Variants in TNRC6A observed in about 807,000 individuals in gnomAD.
The protein encoded by TNRC6A is trinucleotide repeat-containing gene 6A protein.
TNRC6A carries 44 observed loss-of-function variants against 221.2 expected under a neutral mutation model. That is an observed-to-expected ratio of 0.20 (90% CI 0.16 to 0.26). The LOEUF (loss-of-function observed/expected upper bound fraction) is 0.26. Among genes scored for constraint, TNRC6A ranks in the 10% least tolerant of loss-of-function variants. The pLI is 1.00. For missense variants in TNRC6A, 2,199 were observed against 2,404.4 expected (o/e 0.91, Z 1.79); for synonymous variants, 847 against 838.5 (o/e 1.01, Z -0.18).
Position 24,816,867 on chromosome 16 carries a change from C to A in TNRC6A, c.4883C>A (p.Thr1628Asn). ...GGTTATCCAAACATTGACCCTGAAA[C>A]TGACCCTTACGTCACTCCTGGCAGT... Reference protein sequence around the residue: ...WKGYPNIDPETDPYVTPGSVI... With the variant: ...WKGYPNIDPENDPYVTPGSVI... Residue 1628 changes from threonine to asparagine, a missense_variant, in exon 20 of 25, where the codon ACT becomes AAT. Around this residue, in one of 8 missense-constraint regions of TNRC6A, gnomAD observed 449 missense variants for 579.7 expected, o/e 0.77. Transcript: ENST00000395799. The A allele has an allele frequency of 6.2e-7, 1 of 1,614,124 alleles. No homozygotes were observed. The highest frequency in any genetic ancestry group is 8.5e-7 in the Non-Finnish European group (1 of 1,180,018).
At chr16:24,738,447 C>G (rs1408851822) in intron 2 of TNRC6A, among the ~76,000 whole-genome samples, 1 of 152,118 alleles carries the variant, frequency 6.6e-6, no homozygotes, top group African/African-American at 2.4e-5. Flanking sequence ...CAGCCACTCC[C>G]CATTTGTCCC....
intron 17 of TNRC6A, 115 bp from the exon 18 acceptor site, chr16:24,809,235 A>T: frequency 1.1e-6 from 1 of 915,128 alleles, no homozygotes; most frequent in Non-Finnish European, 1.5e-6. Flanking sequence ...TAGTATTAAC[A>T]GTTATGTGGT....
chr16:24,626,649 CTT>C (rs5816260), intron 1 of TNRC6A, among the ~76,000 whole-genome samples: 2,100 of 126,830 alleles, frequency 0.017, 35 homozygotes, highest in African/African-American at 0.057. Flanking sequence ...GATACTATTT[CTT>C]TTTTTTTTTT....
intron 11 of TNRC6A, among the ~76,000 whole-genome samples, chr16:24,798,734 G>C (rs773390173): frequency 6.6e-6 from 1 of 152,220 alleles, no homozygotes; most frequent in Non-Finnish European, 1.5e-5. Flanking sequence ...GGATGAGGGA[G>C]AGAGTGTGAT....
intron 2 of TNRC6A, among the ~76,000 whole-genome samples, chr16:24,687,112 C>T (rs544644961): frequency 6.6e-6 from 1 of 152,226 alleles, no homozygotes; most frequent in African/African-American, 2.4e-5. Context: ...TCTTAAATAC[C>T]GCTAACTCAC....
At chr16:24,624,599 C>T (rs1431114500) in intron 1 of TNRC6A, among the ~76,000 whole-genome samples, 1 of 152,182 alleles carries the variant, frequency 6.6e-6, no homozygotes, top group East Asian at 1.9e-4. Context: ...CCACCTCAGC[C>T]TTCCAAGTAG....
chr16:24,791,744 C>G lies in TNRC6A; in HGVS notation c.3102C>G (p.Asp1034Glu). ...KNVPNGNSRS[D>E]QQAQVHQLLT... is the part of the protein sequence containing the mutation. ...TCCCAAATGGCAACAGCCGTTCAGA[C>G]CAGCAAGCACAGGTACATCAGCTGC... The change falls in exon 6 of 25, where the codon GAC (aspartate) becomes GAG (glutamate). Residue 1034 changes from aspartate to glutamate, a missense_variant. By Grantham distance (45) the Asp-to-Glu change is conservative. This residue lies in a region of TNRC6A where 1,405 missense variants were observed against 1,400.2 expected (regional missense o/e 1.00). Transcript: ENST00000395799. 1 of 1,609,616 alleles carries G rather than the reference C, an allele frequency of 6.2e-7. No homozygotes were observed. The highest frequency in any genetic ancestry group is 1.1e-5 in the South Asian group (1 of 90,016).
intron 2 of TNRC6A, among the ~76,000 whole-genome samples, chr16:24,677,487 T>G (rs2055443460): frequency 6.6e-6 from 1 of 152,148 alleles, no homozygotes; most frequent in African/African-American, 2.4e-5. Context: ...CTTTTGCTCA[T>G]GGAAAGGCAT....
At chr16:24,729,464 G>T (rs901861055), upstream of TNRC6A, among the ~76,000 whole-genome samples, 2 of 151,528 alleles carry the variant, frequency 1.3e-5, no homozygotes, top group South Asian at 2.1e-4. Context: ...GACTCCGCAG[G>T]CCCCCCCAGC....
chr16:24,730,158 G>T (rs2056593382), intron 1 of TNRC6A, 95 bp from the exon 2 acceptor site: 1 of 1,277,634 alleles, frequency 7.8e-7, no homozygotes, highest in East Asian at 3.0e-5. Context: ...TCCGGCCCCG[G>T]CGCGAGCCTC....
intron 9 of TNRC6A, among the ~76,000 whole-genome samples, chr16:24,796,949 G>A (rs1190436188): frequency 6.6e-6 from 1 of 152,144 alleles, no homozygotes; most frequent in Non-Finnish European, 1.5e-5. Context: ...GGAATCCCAG[G>A]TTCAACTTCT....
chr16:24,677,913 G>A (rs924131351), intron 2 of TNRC6A, among the ~76,000 whole-genome samples: 3 of 152,114 alleles, frequency 2.0e-5, no homozygotes, highest in African/African-American at 7.2e-5. Context: ...TAGGTGTCCT[G>A]CAAGATGGTG....
intron 4 of TNRC6A, among the ~76,000 whole-genome samples, chr16:24,759,703 A>G (rs1030776011): frequency 7.9e-5 from 12 of 152,316 alleles, no homozygotes; most frequent in African/African-American, 2.4e-4. Context: ...AAAGTCACCA[A>G]TAGAAGCAAG....
chr16:24,740,365 G>C (rs2056865341), intron 2 of TNRC6A, among the ~76,000 whole-genome samples: 2 of 152,166 alleles, frequency 1.3e-5, no homozygotes, highest in Non-Finnish European at 2.9e-5. Context: ...GATTTTGATA[G>C]GAACAGTGTT....
rs2057216230 is a variant in TNRC6A at position 24,754,861 on chromosome 16, G to A, written c.142-3478G>A. On this transcript the variant is annotated intron_variant, in intron 3 of 24. Coordinates refer to ENST00000395799, the MANE Select transcript of TNRC6A (RefSeq NM_014494.4). ...CATCCATGGGCTTTTTGCTGTTACT[G>A]TGTTAAGAGCTGAAGGGATTTTTAT... Among the ~76,000 whole-genome samples the A allele has an allele frequency of 2.0e-5, 3 of 152,206 alleles. No individual in the cohort carries two copies. The South Asian group carries it at 6.2e-4, about 32-fold the overall frequency.
chr16:24,649,818 T>C (rs111845411), intron 2 of TNRC6A, among the ~76,000 whole-genome samples: 97 of 65,158 alleles, frequency 1.5e-3, no homozygotes, highest in African/African-American at 6.6e-3. Flanking sequence ...CTCTCTCTCT[T>C]TTTTTTTTTT....
intron 1 of TNRC6A, among the ~76,000 whole-genome samples, chr16:24,623,159 T>TTA (rs1047076901): frequency 3.7e-5 from 4 of 107,120 alleles, no homozygotes; most frequent in Non-Finnish European, 8.4e-5. Flanking sequence ...AAGAATTTAT[T>TTA]TATTTATTTA....
intron 4 of TNRC6A, among the ~76,000 whole-genome samples, chr16:24,774,504 T>C (rs2057679561): frequency 6.6e-6 from 1 of 152,240 alleles, no homozygotes; most frequent in South Asian, 2.1e-4. Context: ...TCTGGTTCTT[T>C]GATAAATAAA....
At chr16:24,801,531 C>CTTTTTTT (rs1567498998) in intron 11 of TNRC6A, among the ~76,000 whole-genome samples, 1 of 135,356 alleles carries the variant, frequency 7.4e-6, no homozygotes. Flanking sequence ...ACATGCTACT[C>CTTTTTTT]TCTTTTTTTT....
Sources: allele counts gnomAD v4.1 joint callset (sites outside exome capture counted in the v4.1 genomes callset), GRCh38; gene constraint gnomAD v4.1.1; regional missense constraint gnomAD v4.1.1; transcripts MANE v1.5; gene names NCBI Gene and HGNC (gene_info 2026-07-23, HGNC 2026-07-21).